Variants in XKR9 observed in about 807,000 individuals in gnomAD.
The protein encoded by XKR9 is XK-related protein 9.
A neutral mutation model predicts 32.0 loss-of-function variants in XKR9; 32 were observed. The observed-to-expected ratio is 1.00, with a 90% confidence interval of 0.76 to 1.34. The LOEUF is 1.34. Ranked by LOEUF, XKR9 falls within the 40% of genes most tolerant of loss-of-function variation. The probability of loss-of-function intolerance (pLI) is 0.00; values close to 1 mark genes in which losing one functional copy is unlikely to be tolerated. For missense variants in XKR9, 546 were observed against 429.7 expected, an observed-to-expected ratio of 1.27 and a Z score of -2.39; for synonymous variants, 168 against 143.4, an observed-to-expected ratio of 1.17 and a Z score of -1.22.
At chr8:70,861,121 A>T in the XKR9 span, among the ~76,000 whole-genome samples, 2 of 152,094 alleles carry the variant, frequency 1.3e-5, no homozygotes, top group Non-Finnish European at 1.5e-5. Context: ...CTGTAAAACA[A>T]ACTAAATTTT....
At chr8:70,934,801 A>T in the XKR9 span, among the ~76,000 whole-genome samples, 1 of 151,922 alleles carries the variant, frequency 6.6e-6, no homozygotes, top group Non-Finnish European at 1.5e-5. Context: ...AACTCGTTTT[A>T]ACAAATGTAG....
intron 2 of XKR9, among the ~76,000 whole-genome samples, chr8:70,787,900 G>A (rs1193599120): frequency 6.6e-6 from 1 of 151,932 alleles, no homozygotes; most frequent in Non-Finnish European, 1.5e-5. Context: ...AACATTTTGA[G>A]TGTCTTGAAA....
At chr8:70,885,065 G>C in the XKR9 span, among the ~76,000 whole-genome samples, 1 of 151,322 alleles carries the variant, frequency 6.6e-6, no homozygotes, top group Admixed American at 6.6e-5. Flanking sequence ...GAGTTTTGTA[G>C]TTTTCCTTAC....
the XKR9 span, among the ~76,000 whole-genome samples, chr8:70,972,526 C>T: frequency 6.6e-6 from 1 of 152,078 alleles, no homozygotes; most frequent in Non-Finnish European, 1.5e-5. Context: ...TAAAAGTGGG[C>T]ATGCTCGTTT....
chr8:70,989,305 T>G, the XKR9 span, among the ~76,000 whole-genome samples: 1 of 152,228 alleles, frequency 6.6e-6, no homozygotes, highest in Non-Finnish European at 1.5e-5. Context: ...AAATTAGTGT[T>G]TGCTGTTAAT....
At chr8:70,958,389 T>G in the XKR9 span, among the ~76,000 whole-genome samples, 1 of 152,168 alleles carries the variant, frequency 6.6e-6, no homozygotes, top group African/African-American at 2.4e-5. Flanking sequence ...TTAATAATAG[T>G]CATTCTGACT....
chr8:70,769,900 G>A (rs925566089), intron 2 of XKR9, among the ~76,000 whole-genome samples: 10 of 151,900 alleles, frequency 6.6e-5, no homozygotes, highest in African/African-American at 2.4e-4. Flanking sequence ...CTTTAGCTTG[G>A]AAGAGTTTGG....
the XKR9 span, among the ~76,000 whole-genome samples, chr8:70,981,355 T>C: frequency 6.6e-6 from 1 of 152,160 alleles, no homozygotes; most frequent in Admixed American, 6.5e-5. Flanking sequence ...TTTTTCTTTG[T>C]CTTTAACAGA....
At chr8:70,829,466 T>G in the XKR9 span, among the ~76,000 whole-genome samples, 1 of 152,240 alleles carries the variant, frequency 6.6e-6, no homozygotes, top group African/African-American at 2.4e-5. Context: ...CTTTTTTTGT[T>G]GAGACGGAGT....
At chr8:70,831,847 T>C in the XKR9 span, among the ~76,000 whole-genome samples, 1 of 152,168 alleles carries the variant, frequency 6.6e-6, no homozygotes, top group Non-Finnish European at 1.5e-5. Flanking sequence ...CTAGTAAATA[T>C]TGATGCCATG....
chr8:70,913,043 A>G, the XKR9 span, among the ~76,000 whole-genome samples: 1 of 152,210 alleles, frequency 6.6e-6, no homozygotes, highest in African/African-American at 2.4e-5. Flanking sequence ...ATTAAAAATC[A>G]TCAAAATGGC....
chr8:70,847,021 C>T, the XKR9 span, among the ~76,000 whole-genome samples: 1 of 151,988 alleles, frequency 6.6e-6, no homozygotes, highest in African/African-American at 2.4e-5. Flanking sequence ...AGATTTCATC[C>T]AACAGCTGCA....
At chr8:70,679,008 G>A (rs1467030820) in intron 2 of XKR9, among the ~76,000 whole-genome samples, 1 of 152,112 alleles carries the variant, frequency 6.6e-6, no homozygotes, top group Admixed American at 6.5e-5. Flanking sequence ...GACAGTTCTG[G>A]ACACTGGAAG....
chr8:70,813,244 A>G, the XKR9 span, among the ~76,000 whole-genome samples: 1 of 152,274 alleles, frequency 6.6e-6, no homozygotes, highest in Non-Finnish European at 1.5e-5. Flanking sequence ...AGCCATATGT[A>G]GAAAGCTGAA....
intron 4 of XKR9, among the ~76,000 whole-genome samples, chr8:70,716,353 G>T (rs1323233603): frequency 6.6e-6 from 1 of 152,068 alleles, no homozygotes; most frequent in Non-Finnish European, 1.5e-5. Context: ...CCATTCTCAT[G>T]CTGCTATGAA....
chr8:70,982,011 C>T, the XKR9 span, among the ~76,000 whole-genome samples: 3 of 152,184 alleles, frequency 2.0e-5, no homozygotes, highest in Non-Finnish European at 4.4e-5. Flanking sequence ...TGTCTTGCAG[C>T]CATGGATACC....
chr8:70,993,539 T>G, the XKR9 span, among the ~76,000 whole-genome samples: 1 of 152,084 alleles, frequency 6.6e-6, no homozygotes, highest in Non-Finnish European at 1.5e-5. Flanking sequence ...TATTTAAAAT[T>G]TAGTTGCATC....
At chr8:71,018,779 A>C in the XKR9 span, among the ~76,000 whole-genome samples, 1 of 152,264 alleles carries the variant, frequency 6.6e-6, no homozygotes, top group Non-Finnish European at 1.5e-5. Context: ...TGAATTAAAA[A>C]AACTTTAAAA....
In XKR9 at chr8:70,734,072, T is replaced by G; in HGVS notation, c.770T>G (p.Ile257Arg). The change falls in exon 5 of 5, where the codon ATA becomes AGA. Residue 257 changes from isoleucine to arginine, a missense_variant. Ile to Arg is a moderately conservative substitution (Grantham distance 97). Transcript: ENST00000408926. ...FKNNTQFCTC[I>R]SMEFLYRIVV... ...AACAACACCCAGTTTTGTACTTGTATAAGTATGGAATTCTTATATAGGATT... is the reference window on the plus strand; with the variant it reads ...AACAACACCCAGTTTTGTACTTGTAGAAGTATGGAATTCTTATATAGGATT... The G allele has an allele frequency of 6.2e-7, 1 of 1,613,128 alleles. No individual in the cohort carries two copies. The highest frequency in any genetic ancestry group is 8.5e-7 in the Non-Finnish European group (1 of 1,179,326).
Sources: allele counts gnomAD v4.1 joint callset (sites outside exome capture counted in the v4.1 genomes callset), GRCh38; gene constraint gnomAD v4.1.1; transcripts MANE v1.5; gene names NCBI Gene and HGNC (gene_info 2026-07-23, HGNC 2026-07-21).